The following CD109 variants were observed in gnomAD, a reference collection of about 807,000 sequenced individuals.
The protein encoded by CD109 is CD109 antigen.
A neutral mutation model predicts 165.8 loss-of-function variants in CD109; 149 were observed. The ratio of observed to expected loss-of-function variants is 0.90; its 90% CI spans 0.79 to 1.03. The LOEUF (loss-of-function observed/expected upper bound fraction) is 1.03. Ranked by LOEUF, CD109 falls within the 50% of genes least tolerant of loss-of-function variation. CD109 has a pLI of 0.00. For missense variants in CD109, 1,712 were observed against 1,677.8 expected, an observed-to-expected ratio of 1.02 and a Z score of -0.36; for synonymous variants, 585 against 592.1, an observed-to-expected ratio of 0.99 and a Z score of 0.18.
chr6:73,710,856 A>G (rs1314948731), intron 2 of CD109, among the ~76,000 whole-genome samples: 1 of 152,214 alleles, frequency 6.6e-6, no homozygotes, highest in Non-Finnish European at 1.5e-5. Context: ...ACAGCTGCTC[A>G]ACTCTGCCTT....
chr6:73,690,648 G>A, the CD109 span, among the ~76,000 whole-genome samples: 2 of 152,316 alleles, frequency 1.3e-5, no homozygotes, highest in East Asian at 3.9e-4. Context: ...TGATCTGCCC[G>A]CCTCGGCCTC....
chr6:73,694,905 A>G (rs150792031), upstream of CD109: 133 of 152,370 alleles, frequency 8.7e-4, 1 homozygote, highest in African/African-American at 3.0e-3. Context: ...CCTGCACAGG[A>G]AGTTGGCCAC....
At chr6:73,741,735 A>G (rs1772792165) in intron 5 of CD109, among the ~76,000 whole-genome samples, 1 of 152,060 alleles carries the variant, frequency 6.6e-6, no homozygotes. Context: ...GCAGTGTGCA[A>G]TCTCAGCTCA....
chr6:73,774,679 C>G (rs1229434755), intron 15 of CD109, among the ~76,000 whole-genome samples: 1 of 152,184 alleles, frequency 6.6e-6, no homozygotes, highest in East Asian at 1.9e-4. Flanking sequence ...TGTCCTGAGG[C>G]TACCCCCTGG....
Position 73,697,447 on chromosome 6 carries a change from A to T in CD109, c.122A>T (p.Asn41Ile). 3 of 1,614,142 alleles carry T rather than the reference A, an allele frequency of 1.9e-6. No individual in the cohort carries two copies. The highest frequency in any genetic ancestry group is 2.5e-6 in the Non-Finnish European group (3 of 1,180,018). Reference sequence around the variant, plus strand: ...CCAGGGATCATCAGGCCCGGAGGAAATGTGACTATTGGGGTGGAGCTTCTG... The same window carrying T: ...CCAGGGATCATCAGGCCCGGAGGAATTGTGACTATTGGGGTGGAGCTTCTG... ...TAPGIIRPGG[N>I]VTIGVELLEH... is the part of the protein sequence containing the mutation. The change falls in exon 2 of 33, where the codon AAT becomes ATT. Residue 41 changes from asparagine to isoleucine, a missense_variant. Asn to Ile is a moderately radical substitution (Grantham distance 149, BLOSUM62 -3). Transcript: ENST00000287097.
At position 73,769,412 on chromosome 6, in the gene CD109, C is replaced by G. The variant is rs975503753; in HGVS notation, c.1674+1181C>G. ...GGCTTAAACATCTCAGAAAGCAAGA[C>G]CAGGTTCTAAAGCTGGTTACAGTGT... On this transcript the variant is annotated intron_variant, in intron 14 of 32. Coordinates refer to ENST00000287097, the MANE Select transcript of CD109 (RefSeq NM_133493.5). Among the ~76,000 whole-genome samples, 9 of 152,048 alleles carry G rather than the reference C, an allele frequency of 5.9e-5. 1 individual carries two copies. The East Asian group carries it at 1.7e-3, about 29-fold the overall frequency.
At position 73,826,378 on chromosome 6, in the gene CD109, C is replaced by T. The variant is rs923744479; in HGVS notation, c.*2745C>T. 1 of 152,092 alleles carries T rather than the reference C, an allele frequency of 6.6e-6. No individual in the cohort carries two copies. The highest frequency in any genetic ancestry group is 1.5e-5 in the Non-Finnish European group (1 of 68,026). The allele number at this position is 152,092 out of a possible 1,614,324, so 9.4% of individuals were successfully genotyped here. A position where few individuals can be genotyped will look rare whatever the true frequency, so the allele number is the denominator to read the frequency against. ...GTCATTTACTGGTATGAACTAAAGTCCCCCTTCTTTTCCACTCACTGGGAA... is the reference window on the plus strand; with the variant it reads ...GTCATTTACTGGTATGAACTAAAGTTCCCCTTCTTTTCCACTCACTGGGAA... On this transcript the variant is annotated 3_prime_UTR_variant, in exon 33 of 33. Transcript: ENST00000287097.
At chr6:73,717,352 A>T (rs1319653890) in intron 2 of CD109, among the ~76,000 whole-genome samples, 1 of 152,036 alleles carries the variant, frequency 6.6e-6, no homozygotes, top group Non-Finnish European at 1.5e-5. Flanking sequence ...TTAAATCTAT[A>T]GATTGCTTTA....
intron 17 of CD109, among the ~76,000 whole-genome samples, chr6:73,781,745 T>C (rs7763367): frequency 0.39 from 58,012 of 147,992 alleles, 11,520 homozygotes; most frequent in African/African-American, 0.49. Context: ...TAAAGTATTC[T>C]GGTACACACA....
At chr6:73,706,864 GC>G (rs1771285913) in intron 2 of CD109, among the ~76,000 whole-genome samples, 1 of 152,190 alleles carries the variant, frequency 6.6e-6, no homozygotes, top group African/African-American at 2.4e-5. Context: ...TGAAAATATA[GC>G]TGGCAGAAAT....
At chr6:73,805,094 A>T (rs1184608030) in intron 24 of CD109, among the ~76,000 whole-genome samples, 1 of 152,240 alleles carries the variant, frequency 6.6e-6, no homozygotes, top group East Asian at 1.9e-4. Flanking sequence ...CAGTGTGGTG[A>T]TTCCTCAAGG....
chr6:73,762,353 A>G, intron 7 of CD109, 31 bp from the exon 8 acceptor site: 1 of 1,275,960 alleles, frequency 7.8e-7, no homozygotes, highest in Non-Finnish European at 1.1e-6. Context: ...TCAAGTTGAT[A>G]CATAAAAAGA....
chr6:73,736,264 A>G, intron 4 of CD109, 119 bp from the exon 5 acceptor site: 5 of 1,022,152 alleles, frequency 4.9e-6, no homozygotes, highest in Non-Finnish European at 7.1e-6. Flanking sequence ...TTTGTGCCGT[A>G]TTTTGGAGTA....
chr6:73,739,854 A>G (rs1772699374), intron 5 of CD109, among the ~76,000 whole-genome samples: 1 of 151,896 alleles, frequency 6.6e-6, no homozygotes. Flanking sequence ...GCTAAAAAAA[A>G]AGGAAGTATT....
Position 73,781,253 on chromosome 6 carries a change from T to C in CD109, c.1903-6T>C, listed in dbSNP as rs773829051. On this transcript the variant is annotated splice_polypyrimidine_tract_variant and splice_region_variant and intron_variant, in intron 16 of 32. Transcript: ENST00000287097. The stretch of plus-strand genomic sequence containing the variant: ...TTTAAAAGAAAATAAAAATTATTCT[T>C]TTTAGGAATGTGGACTCTGGGTATT... 1 of 1,609,556 alleles carries C rather than the reference T, an allele frequency of 6.2e-7. No individual in the cohort carries two copies. The highest frequency in any genetic ancestry group is 8.5e-7 in the Non-Finnish European group (1 of 1,176,448).
rs1421884284 is a variant in CD109 at position 73,825,847 on chromosome 6, A to C, written c.*2214A>C. 6.6e-6 allele frequency: 1 copy of C among 152,110 alleles called. No homozygotes were observed. The highest frequency in any genetic ancestry group is 2.4e-5 in the African/African-American group (1 of 41,420). The allele number at this position is 152,110 out of a possible 1,614,324, so 9.4% of individuals were successfully genotyped here. A position where few individuals can be genotyped will look rare whatever the true frequency, so the allele number is the denominator to read the frequency against. Reference sequence around the variant, plus strand: ...ACAAAATTTAGCCAGGCGTGGTGGCATGCACCTGTAGTCCCACCTACTCGG... The same window carrying C: ...ACAAAATTTAGCCAGGCGTGGTGGCCTGCACCTGTAGTCCCACCTACTCGG... On this transcript the variant is annotated 3_prime_UTR_variant, in exon 33 of 33. Transcript: ENST00000287097.
At chr6:73,766,729 C>T (rs778010001) in intron 11 of CD109, 30 bp from the exon 12 acceptor site, 1 of 1,492,144 alleles carries the variant, frequency 6.7e-7, no homozygotes, top group South Asian at 1.2e-5. Context: ...TAAAGATGAA[C>T]ATTTACAGCT....
chr6:73,817,589 CTT>C (rs2150309093), intron 30 of CD109, among the ~76,000 whole-genome samples: 1 of 152,344 alleles, frequency 6.6e-6, no homozygotes, highest in South Asian at 2.1e-4. Context: ...CAGGTACTAA[CTT>C]AATGCTATGA....
rs58140668 is a variant in CD109, at chr6:73,700,790, G to GTTTTTTTT, written c.247+3240_247+3247dup. Among the ~76,000 whole-genome samples the GTTTTTTTT allele has an allele frequency of 2.1e-4, 11 of 51,480 alleles. 2 individuals carry two copies. Among genetic ancestry groups the GTTTTTTTT allele is most frequent in the Non-Finnish European group, 3.6e-4 (10 of 27,716 alleles). 33.8% of individuals were successfully genotyped at this position (51,480 alleles called of 152,430 possible). ...CTACATTTATTGGGGATTGATTGTAGTTTTTTTTTTTTTTTTTTTTTTTTT... is the reference window on the plus strand; with the variant it reads ...CTACATTTATTGGGGATTGATTGTAGTTTTTTTTTTTTTTTTTTTTTTTTTTTTTTTTT... On this transcript the variant is annotated intron_variant, in intron 2 of 32. Coordinates refer to ENST00000287097, the MANE Select transcript of CD109 (RefSeq NM_133493.5).
Sources: gnomAD v4.1 joint callset for allele counts (sites outside exome capture counted in the v4.1 genomes callset) on GRCh38, gnomAD v4.1.1 for gene constraint, MANE v1.5 for transcripts, NCBI Gene and HGNC (gene_info 2026-07-23, HGNC 2026-07-21) for gene names.